Variants in FGGY observed in about 807,000 individuals in gnomAD.
FGGY encodes FGGY carbohydrate kinase domain containing.
In FGGY, 72 loss-of-function variants were observed where a neutral mutation model predicts 71.3. The ratio of observed to expected loss-of-function variants is 1.01; its 90% confidence interval spans 0.84 to 1.23. The LOEUF (loss-of-function observed/expected upper bound fraction) is 1.23, where lower values mean the gene tolerates loss of function less well. FGGY is among the 50% of genes most tolerant of loss of function. The probability of loss-of-function intolerance (pLI) is 0.00; values close to 1 mark genes in which losing one functional copy is unlikely to be tolerated. For synonymous variants in FGGY, 251 were observed against 250.3 expected (o/e 1.00, Z -0.02); for missense variants, 668 against 682.3 (o/e 0.98, Z 0.23).
chr1:59,584,397 A>G (rs1156607862), intron 8 of FGGY, among the ~76,000 whole-genome samples: 1 of 150,070 alleles, frequency 6.7e-6, no homozygotes, highest in African/African-American at 2.5e-5. Flanking sequence ...TCCAGCATAT[A>G]AACAGAACAA....
chr1:59,535,221 A>C (rs2095280536), intron 7 of FGGY, among the ~76,000 whole-genome samples: 1 of 151,798 alleles, frequency 6.6e-6, no homozygotes, highest in South Asian at 2.1e-4. Context: ...AACAAAGATC[A>C]AAAGAGACAA....
At chr1:59,727,091 G>GGA (rs2097956583) in intron 14 of FGGY, among the ~76,000 whole-genome samples, 2 of 152,072 alleles carry the variant, frequency 1.3e-5, no homozygotes, top group African/African-American at 4.8e-5. Context: ...CCATGTTTAT[G>GGA]TCCATGTCTG....
At chr1:59,356,002 T>C (rs2054243582) in intron 4 of FGGY, among the ~76,000 whole-genome samples, 1 of 152,190 alleles carries the variant, frequency 6.6e-6, no homozygotes, top group Non-Finnish European at 1.5e-5. Flanking sequence ...GATTATTTAT[T>C]TTCCTGAATA....
At chr1:59,526,498 G>C (rs2094984507) in intron 7 of FGGY, among the ~76,000 whole-genome samples, 1 of 152,184 alleles carries the variant, frequency 6.6e-6, no homozygotes. Flanking sequence ...TGGGAGATCT[G>C]TATTCAGAAA....
At chr1:59,674,321 C>T (rs370598375) in intron 14 of FGGY, among the ~76,000 whole-genome samples, 188 bp downstream of exon 14, 4 of 152,126 alleles carry the variant, frequency 2.6e-5, no homozygotes, top group African/African-American at 7.2e-5. Context: ...GACTTGGCCT[C>T]GGTTCGTGTT....
chr1:59,578,619 G>C (rs375743821), intron 8 of FGGY, among the ~76,000 whole-genome samples: 3 of 152,060 alleles, frequency 2.0e-5, no homozygotes, highest in African/African-American at 7.3e-5. Context: ...GCTGGCCTGA[G>C]GACTTTTATA....
chr1:59,469,046 T>C (rs374796610), intron 6 of FGGY, among the ~76,000 whole-genome samples: 10 of 152,064 alleles, frequency 6.6e-5, no homozygotes, highest in African/African-American at 2.4e-4. Context: ...CTGGCTAGAC[T>C]TTGGAACCTG....
At chr1:59,589,550 G>C (rs1023205343) in intron 8 of FGGY, among the ~76,000 whole-genome samples, 30 of 152,106 alleles carry the variant, frequency 2.0e-4, no homozygotes, top group East Asian at 5.8e-4. Context: ...AAGCTCTCCT[G>C]AGCAAATGTA....
intron 6 of FGGY, among the ~76,000 whole-genome samples, chr1:59,480,803 G>A (rs1408151931): frequency 6.6e-6 from 1 of 152,148 alleles, no homozygotes; most frequent in African/African-American, 2.4e-5. Flanking sequence ...GGAGGAAACA[G>A]AGAAGTAGGC....
chr1:59,664,802 C>T (rs1018913145), intron 12 of FGGY, among the ~76,000 whole-genome samples: 1 of 152,214 alleles, frequency 6.6e-6, no homozygotes, highest in Non-Finnish European at 1.5e-5. Flanking sequence ...TTGCTGCCTA[C>T]AGCAGCAGAC....
intron 8 of FGGY, among the ~76,000 whole-genome samples, chr1:59,579,043 G>A (rs190661376): frequency 5.2e-4 from 79 of 152,148 alleles, no homozygotes; most frequent in African/African-American, 1.8e-3. Flanking sequence ...TCAGACATTT[G>A]TACAAACTTC....
At chr1:59,464,656 CAAAT>C (rs1358828288) in intron 6 of FGGY, among the ~76,000 whole-genome samples, 2 of 151,918 alleles carry the variant, frequency 1.3e-5, no homozygotes, top group African/African-American at 4.8e-5. Flanking sequence ...AGAGAAGAAT[CAAAT>C]AGATGCAATA....
At chr1:59,434,168 G>A (rs2067949057) in intron 5 of FGGY, among the ~76,000 whole-genome samples, 1 of 152,166 alleles carries the variant, frequency 6.6e-6, no homozygotes, top group Admixed American at 6.5e-5. Context: ...AAACTCTACA[G>A]TATCATTGTT....
At chr1:59,323,685 T>C (rs888716797) in intron 2 of FGGY, among the ~76,000 whole-genome samples, 6 of 152,242 alleles carry the variant, frequency 3.9e-5, no homozygotes, top group African/African-American at 1.4e-4. Context: ...AGTTACCTAA[T>C]GTTTCTTGCT....
intron 7 of FGGY, among the ~76,000 whole-genome samples, chr1:59,513,990 G>A (rs1356930144): frequency 6.6e-6 from 1 of 152,226 alleles, no homozygotes; most frequent in Admixed American, 6.5e-5. Flanking sequence ...ATGTAGGTTG[G>A]TTGAATGCTA....
At chr1:59,378,227 G>A (rs1305283355) in intron 4 of FGGY, among the ~76,000 whole-genome samples, 1 of 152,064 alleles carries the variant, frequency 6.6e-6, no homozygotes, top group Non-Finnish European at 1.5e-5. Flanking sequence ...CTCATGTTGT[G>A]GGAGGGACCT....
intron 6 of FGGY, among the ~76,000 whole-genome samples, chr1:59,508,789 A>G (rs2094453144): frequency 6.6e-6 from 1 of 152,154 alleles, no homozygotes; most frequent in African/African-American, 2.4e-5. Context: ...TTCATCCCTA[A>G]CCACTGGATT....
At chr1:59,397,958 A>C (rs1241371415) in intron 5 of FGGY, among the ~76,000 whole-genome samples, 1 of 152,132 alleles carries the variant, frequency 6.6e-6, no homozygotes, top group East Asian at 1.9e-4. Flanking sequence ...CTGTCTGTAA[A>C]AACCCATCCA....
At chr1:59,620,374 C>A (rs1351523854) in intron 9 of FGGY, among the ~76,000 whole-genome samples, 4 of 151,768 alleles carry the variant, frequency 2.6e-5, no homozygotes, top group Non-Finnish European at 5.9e-5. Context: ...CCACTCCTAG[C>A]ACTGTTGGGC....
Sources: gnomAD v4.1 joint callset for allele counts (sites outside exome capture counted in the v4.1 genomes callset) on GRCh38, gnomAD v4.1.1 for gene constraint, MANE v1.5 for transcripts, NCBI Gene and HGNC (gene_info 2026-07-23, HGNC 2026-07-21) for gene names.